Variants in CDH4 observed in about 807,000 individuals in gnomAD.
CDH4 encodes the protein cadherin 4, also known as cadherin-4.
A neutral mutation model predicts 86.0 loss-of-function variants in CDH4; 33 were observed. That is an observed-to-expected ratio of 0.38 (90% CI 0.29 to 0.51). CDH4 has a LOEUF of 0.51. Ranked by LOEUF, CDH4 falls within the 20% of genes least tolerant of loss-of-function variation. The pLI is 0.86. For synonymous variants in CDH4, 555 were observed against 549.4 expected, an observed-to-expected ratio of 1.01 and a Z score of -0.14; for missense variants, 1,114 against 1,307.4, an observed-to-expected ratio of 0.85 and a Z score of 2.28.
chr20:61,874,824 A>G (rs1341083541), intron 7 of CDH4, among the ~76,000 whole-genome samples: 1 of 152,192 alleles, frequency 6.6e-6, no homozygotes, highest in Non-Finnish European at 1.5e-5. Flanking sequence ...GGCTCCCAGG[A>G]GCCGGTAGAG....
rs899175210 is a variant in CDH4, at chr20:61,518,835, A to T, written c.170-224728A>T. ...TCATCCATCCATTAATCCATCATTC[A>T]TCCATTCATCCACCCATCACCCATT... On this transcript the variant is annotated intron_variant, in intron 2 of 15. Coordinates refer to ENST00000614565, the MANE Select transcript of CDH4 (RefSeq NM_001794.5). The surrounding 1 kb of genome is among the most constrained non-coding windows in gnomAD (Gnocchi z 6.3). 6.6e-6 allele frequency among the ~76,000 whole-genome samples: 1 copy of T among 151,736 alleles called. No individual in the cohort carries two copies. Among genetic ancestry groups the T allele is most frequent in the African/African-American group, 2.4e-5 (1 of 41,288 alleles).
intron 2 of CDH4, among the ~76,000 whole-genome samples, chr20:61,546,094 G>GTA (rs1555865265): frequency 8.3e-5 from 3 of 36,262 alleles, no homozygotes; most frequent in African/African-American, 3.0e-4. Flanking sequence ...ACGTGTGTGT[G>GTA]TGGAGGGGTG....
At chr20:61,383,403 TG>T (rs2084921441) in intron 2 of CDH4, among the ~76,000 whole-genome samples, 1 of 111,362 alleles carries the variant, frequency 9.0e-6, no homozygotes, top group African/African-American at 4.1e-5. Flanking sequence ...ATGATATATA[TG>T]AATATATATG....
rs565471968 is a variant in CDH4, at chr20:61,424,641, CA to C, written c.169+169705del. ...CTCCTAGGCCAGGGATGTCCCCTGT[CA>C]CCCACTCTTCCCCTGTTTTCACTCT... On this transcript the variant is annotated intron_variant, in intron 2 of 15. Transcript: ENST00000614565. Among the ~76,000 whole-genome samples, 19 of 152,316 alleles carry C rather than the reference CA, an allele frequency of 1.2e-4. No homozygotes were observed. In the South Asian group the frequency reaches 2.7e-3, roughly 22 times the overall value.
At chr20:61,285,858 C>T (rs530248589) in intron 2 of CDH4, among the ~76,000 whole-genome samples, 3 of 152,254 alleles carry the variant, frequency 2.0e-5, no homozygotes, top group Non-Finnish European at 2.9e-5. Flanking sequence ...TTGCCCGGCT[C>T]ACCTGGCCAG....
chr20:61,652,105 G>A (rs780381240), intron 2 of CDH4, among the ~76,000 whole-genome samples: 2 of 152,198 alleles, frequency 1.3e-5, no homozygotes, highest in Non-Finnish European at 2.9e-5. Flanking sequence ...GCCAGGTGCC[G>A]TGGGGTCTGT....
chr20:61,765,469 C>A (rs979082385), intron 3 of CDH4, among the ~76,000 whole-genome samples: 1 of 152,218 alleles, frequency 6.6e-6, no homozygotes, highest in African/African-American at 2.4e-5. Context: ...GCTGAAGCCA[C>A]GAAGCCACAG....
chr20:61,300,491 GGGCTCCCCT>G (rs1381759352), intron 2 of CDH4, among the ~76,000 whole-genome samples: 1 of 152,140 alleles, frequency 6.6e-6, no homozygotes, highest in Non-Finnish European at 1.5e-5. Context: ...CCTGGGCACA[GGGCTCCCCT>G]GGCTGCGGCC....
At chr20:61,686,381 A>G (rs1000891533) in intron 2 of CDH4, among the ~76,000 whole-genome samples, 7 of 147,734 alleles carry the variant, frequency 4.7e-5, no homozygotes, top group African/African-American at 1.0e-4. Context: ...GCATGTGTGT[A>G]TATGTGTGTG....
At position 61,397,092 on chromosome 20, in the gene CDH4, G is replaced by A. The variant is rs141650967; in HGVS notation, c.169+142155G>A. 5.6e-3 allele frequency among the ~76,000 whole-genome samples: 859 copies of A among 152,124 alleles called. 5 individuals carry two copies. Among genetic ancestry groups the A allele is most frequent in the Non-Finnish European group, 7.3e-3 (495 of 67,980 alleles). On this transcript the variant is annotated intron_variant, in intron 2 of 15. Coordinates refer to ENST00000614565, the MANE Select transcript of CDH4 (RefSeq NM_001794.5). Reference sequence around the variant, plus strand: ...ACCCGGCTAATTTTTTGTATTTTTTGTAATACGGGGTTTTGCCGTGTTGCC... The same window carrying A: ...ACCCGGCTAATTTTTTGTATTTTTTATAATACGGGGTTTTGCCGTGTTGCC...
chr20:61,557,848 G>A (rs939488396), intron 2 of CDH4, among the ~76,000 whole-genome samples: 14 of 150,076 alleles, frequency 9.3e-5, no homozygotes, highest in East Asian at 2.1e-4. Flanking sequence ...CGATAATGAC[G>A]CGGCGCTGGA....
intron 4 of CDH4, among the ~76,000 whole-genome samples, chr20:61,825,103 C>A (rs1348776100): frequency 6.6e-6 from 1 of 151,958 alleles, no homozygotes; most frequent in Non-Finnish European, 1.5e-5. Context: ...CTTCACCCCA[C>A]GACTTTAAAA....
intron 2 of CDH4, among the ~76,000 whole-genome samples, chr20:61,450,827 T>C (rs2085375187): frequency 6.9e-6 from 1 of 144,932 alleles, no homozygotes; most frequent in Admixed American, 6.8e-5. Flanking sequence ...GCTCCAAGAG[T>C]GGAGGTGGCT....
intron 2 of CDH4, among the ~76,000 whole-genome samples, chr20:61,677,755 G>A (rs1270085548): frequency 5.1e-5 from 5 of 98,538 alleles, no homozygotes; most frequent in African/African-American, 2.2e-4. Context: ...GGGTGGATAG[G>A]TGGATGGATG....
chr20:61,822,640 G>T (rs533866453), intron 4 of CDH4, among the ~76,000 whole-genome samples: 1 of 152,276 alleles, frequency 6.6e-6, no homozygotes, highest in East Asian at 1.9e-4. Flanking sequence ...ACATCTAGAG[G>T]CACCCCCGAC....
chr20:61,358,820 G>A (rs117075406), intron 2 of CDH4, among the ~76,000 whole-genome samples: 1 of 151,926 alleles, frequency 6.6e-6, no homozygotes, highest in African/African-American at 2.4e-5. Flanking sequence ...AAGGAGAGGA[G>A]ACCTGCATGA....
intron 2 of CDH4, among the ~76,000 whole-genome samples, chr20:61,578,331 G>T (rs2086399740): frequency 6.6e-6 from 1 of 152,100 alleles, no homozygotes. Context: ...GTAATCTAAG[G>T]GTCTTTAATT....
intron 7 of CDH4, among the ~76,000 whole-genome samples, chr20:61,894,602 C>G (rs1985011552): frequency 6.6e-6 from 1 of 152,186 alleles, no homozygotes; most frequent in African/African-American, 2.4e-5. Context: ...CTCCCCTGTT[C>G]TCCTCCCTTC....
At chr20:61,583,038 C>T in intron 2 of CDH4, among the ~76,000 whole-genome samples, 1 of 151,606 alleles carries the variant, frequency 6.6e-6, no homozygotes, top group Non-Finnish European at 1.5e-5. Flanking sequence ...AGTGTGTGGT[C>T]CTACTCTTGG....
Sources: gnomAD v4.1 joint callset for allele counts (sites outside exome capture counted in the v4.1 genomes callset) on GRCh38, gnomAD v4.1.1 for gene constraint, Gnocchi (gnomAD v3.1) non-coding constraint, MANE v1.5 for transcripts, NCBI Gene and HGNC (gene_info 2026-07-23, HGNC 2026-07-21) for gene names.